The following TXNDC16 variants were observed in gnomAD, a reference collection of about 807,000 sequenced individuals.
TXNDC16 encodes the protein thioredoxin domain-containing protein 16.
TXNDC16 carries 74 observed loss-of-function variants against 85.6 expected under a neutral mutation model. That is an observed-to-expected ratio of 0.86 (90% CI 0.72 to 1.05). The LOEUF (loss-of-function observed/expected upper bound fraction) is 1.05, where lower values mean the gene tolerates loss of function less well. TXNDC16 is among the 50% of genes least tolerant of loss of function. The pLI is 0.00. For synonymous variants in TXNDC16, 335 were observed against 326.5 expected (o/e 1.03, Z -0.28); for missense variants, 959 against 947.0 (o/e 1.01, Z -0.17).
At chr14:52,522,618 G>A (rs191155524) in intron 6 of TXNDC16, among the ~76,000 whole-genome samples, 7 of 152,314 alleles carry the variant, frequency 4.6e-5, no homozygotes. Context: ...AATGCAGGTA[G>A]TGCAAGCTGT....
intron 18 of TXNDC16, among the ~76,000 whole-genome samples, chr14:52,445,127 T>C (rs2035248694): frequency 6.6e-6 from 1 of 152,176 alleles, no homozygotes; most frequent in South Asian, 2.1e-4. Flanking sequence ...ATTATAATTT[T>C]CTTCTTTATC....
chr14:52,484,279 A>G (rs890303566), intron 12 of TXNDC16, among the ~76,000 whole-genome samples: 18 of 152,226 alleles, frequency 1.2e-4, no homozygotes, highest in African/African-American at 4.3e-4. Context: ...AATTTGTTCT[A>G]TTATTCTCTC....
intron 14 of TXNDC16, among the ~76,000 whole-genome samples, chr14:52,471,344 T>TA (rs368161696): frequency 6.6e-6 from 1 of 152,368 alleles, no homozygotes; most frequent in African/African-American, 2.4e-5. Context: ...ATAACTACAA[T>TA]AGGCTTCTAA....
chr14:52,469,930 T>C, intron 16 of TXNDC16, 107 bp downstream of exon 16: 1 of 1,102,528 alleles, frequency 9.1e-7, no homozygotes, highest in South Asian at 1.9e-5. Context: ...TTCAAACTTC[T>C]CCATAATTTT....
chr14:52,488,999 G>A lies in TXNDC16; in HGVS notation c.985-513C>T, dbSNP rs181736868. On this transcript the variant is annotated intron_variant, in intron 11 of 20. Coordinates refer to ENST00000281741, the MANE Select transcript of TXNDC16 (RefSeq NM_020784.3). ...AGACAATGTGTACACTGAAAAAGGT[G>A]GCAAAAAAGGTGCTGAAAGCCTCAC... 2.9e-3 allele frequency among the ~76,000 whole-genome samples: 447 copies of A among 152,160 alleles called. 4 individuals carry two copies. The highest frequency in any genetic ancestry group is 0.01 in the African/African-American group (431 of 41,520).
rs2036952176 is a variant in TXNDC16 at position 52,511,409 on chromosome 14, T to C, written c.606-19A>G. The C allele has an allele frequency of 6.5e-7, 1 of 1,539,230 alleles. No individual in the cohort carries two copies. The highest frequency in any genetic ancestry group is 1.4e-5 in the African/African-American group (1 of 73,496). On this transcript the variant is annotated intron_variant, in intron 8 of 20. Transcript: ENST00000281741. The stretch of plus-strand genomic sequence containing the variant: ...CTCAGAGCTACAAATTAAAAATTAA[T>C]TAACTTAATGAAGTTCAATATGTGA...
At chr14:52,501,891 C>G (rs933119019) in intron 9 of TXNDC16, among the ~76,000 whole-genome samples, 1 of 152,088 alleles carries the variant, frequency 6.6e-6, no homozygotes, top group Non-Finnish European at 1.5e-5. Context: ...TAAAAGTGAC[C>G]AAACCAGCTG....
At position 52,470,091 on chromosome 14, in the gene TXNDC16, T is replaced by C. The variant is rs1381200397; in HGVS notation, c.1564A>G (p.Ile522Val). ...AATACTGACACACTAGAATACAAGA[T>C]GAGGTCTTTATATAATTCCCCACTT... ...YLSGELYKDL[I>V]LYSSVSVLGL... The change falls in exon 16 of 21, where the codon ATC becomes GTC. Residue 522 changes from isoleucine to valine, a missense_variant. By Grantham distance (29) the Ile-to-Val change is conservative. Transcript: ENST00000281741. 6.2e-7 allele frequency: 1 copy of C among 1,611,470 alleles called. No individual in the cohort carries two copies. Among genetic ancestry groups the C allele is most frequent in the Admixed American group, 1.7e-5 (1 of 59,808 alleles).
chr14:52,523,088 G>A (rs2037246239), intron 6 of TXNDC16, among the ~76,000 whole-genome samples: 1 of 152,082 alleles, frequency 6.6e-6, no homozygotes. Flanking sequence ...TTCAGAATAT[G>A]AGGATCCATT....
At chr14:52,485,023 G>A (rs1451943584) in intron 12 of TXNDC16, among the ~76,000 whole-genome samples, 1 of 152,048 alleles carries the variant, frequency 6.6e-6, no homozygotes, top group African/African-American at 2.4e-5. Context: ...AAAATAAAAA[G>A]TTCACTGTAA....
chr14:52,450,908 T>C (rs1274069465), intron 18 of TXNDC16, among the ~76,000 whole-genome samples: 2 of 151,118 alleles, frequency 1.3e-5, no homozygotes, highest in Admixed American at 1.3e-4. Context: ...CATATATATA[T>C]GTATACATAC....
chr14:52,504,897 CA>C (rs1194500909), intron 9 of TXNDC16, among the ~76,000 whole-genome samples: 1 of 151,484 alleles, frequency 6.6e-6, no homozygotes, highest in Non-Finnish European at 1.5e-5. Flanking sequence ...AAATGGAAAA[CA>C]AAAAAAGGCA....
intron 6 of TXNDC16, among the ~76,000 whole-genome samples, chr14:52,531,122 G>C (rs901963369): frequency 5.3e-5 from 8 of 151,980 alleles, no homozygotes; most frequent in Non-Finnish European, 1.2e-4. Flanking sequence ...AAACAACAAA[G>C]AGATACCACT....
At chr14:52,440,934 T>C (rs1042280556) in intron 18 of TXNDC16, among the ~76,000 whole-genome samples, 2 of 152,152 alleles carry the variant, frequency 1.3e-5, no homozygotes, top group African/African-American at 4.8e-5. Context: ...ATTTTCAAAA[T>C]AAAACTACAC....
chr14:52,509,244 C>T (rs2036894369), intron 9 of TXNDC16, among the ~76,000 whole-genome samples: 1 of 151,834 alleles, frequency 6.6e-6, no homozygotes, highest in South Asian at 2.1e-4. Flanking sequence ...AAAGAAAAAA[C>T]AGATTTTTAG....
intron 12 of TXNDC16, among the ~76,000 whole-genome samples, chr14:52,483,599 A>T (rs551373244): frequency 6.6e-6 from 1 of 152,362 alleles, no homozygotes; most frequent in African/African-American, 2.4e-5. Flanking sequence ...AAGAATAAAC[A>T]GCATGAGAAA....
At chr14:52,469,291 G>A (rs1209782282) in intron 16 of TXNDC16, among the ~76,000 whole-genome samples, 2 of 151,584 alleles carry the variant, frequency 1.3e-5, no homozygotes, top group Non-Finnish European at 2.9e-5. Flanking sequence ...AGATTGCAGT[G>A]AGCCGAGATC....
At chr14:52,460,824 T>C (rs918604934) in intron 16 of TXNDC16, among the ~76,000 whole-genome samples, 1 of 152,176 alleles carries the variant, frequency 6.6e-6, no homozygotes, top group African/African-American at 2.4e-5. Context: ...AATGAAAGTG[T>C]TTTATTGTGT....
At position 52,472,877 on chromosome 14, in the gene TXNDC16, T is replaced by C. The variant is rs115638547; in HGVS notation, c.1313-2197A>G. On this transcript the variant is annotated intron_variant, in intron 14 of 20. Transcript: ENST00000281741. ...AAGAGCAGCCTGCAAGCTGCAAGGG[T>C]GCACGTACCGGCAGGAACTAAGGAC... 4.3e-3 allele frequency among the ~76,000 whole-genome samples: 648 copies of C among 152,246 alleles called. 10 individuals are homozygous for C. The highest frequency in any genetic ancestry group is 0.015 in the African/African-American group (621 of 41,540).
Sources: gnomAD v4.1 joint callset for allele counts (sites outside exome capture counted in the v4.1 genomes callset) on GRCh38, gnomAD v4.1.1 for gene constraint, MANE v1.5 for transcripts, NCBI Gene and HGNC (gene_info 2026-07-23, HGNC 2026-07-21) for gene names.